The following NLRP5 variants were observed in gnomAD, a reference collection of about 807,000 sequenced individuals.
The protein encoded by NLRP5 is NACHT, LRR and PYD domains-containing protein 5.
Under a neutral mutation model 113.1 loss-of-function variants are expected in NLRP5, and 93 were observed. That is an observed-to-expected ratio of 0.82 (90% CI 0.70 to 0.98). The LOEUF (loss-of-function observed/expected upper bound fraction) is 0.98, where lower values mean the gene tolerates loss of function less well. NLRP5 is among the 50% of genes least tolerant of loss of function. The pLI, the probability that NLRP5 is intolerant of heterozygous loss-of-function variation, is 0.00. For synonymous variants in NLRP5, 751 were observed against 600.7 expected (o/e 1.25, Z -3.66); for missense variants, 1,808 against 1,514.3 (o/e 1.19, Z -3.22).
chr19:55,999,641 C>A, upstream of NLRP5: 2 of 1,028,074 alleles, frequency 1.9e-6, no homozygotes, highest in East Asian at 2.4e-5. Context: ...CACAGTAACC[C>A]TTGAAGAGGC....
intron 12 of NLRP5, among the ~76,000 whole-genome samples, chr19:56,053,189 A>G (rs143791237): frequency 6.2e-4 from 94 of 152,230 alleles, no homozygotes; most frequent in African/African-American, 2.1e-3. Flanking sequence ...TGAGGTCAGG[A>G]GTTTGAGACC....
intron 3 of NLRP5, among the ~76,000 whole-genome samples, chr19:56,012,872 T>G (rs1982251470): frequency 6.6e-6 from 1 of 152,162 alleles, no homozygotes; most frequent in South Asian, 2.1e-4. Context: ...AGTGAACTGG[T>G]CTGTAATCTC....
intron 14 of NLRP5, among the ~76,000 whole-genome samples, chr19:56,058,948 G>A (rs924630195): frequency 3.3e-5 from 5 of 152,172 alleles, no homozygotes; most frequent in Non-Finnish European, 7.3e-5. Context: ...AGTGGAATAA[G>A]CCAGTCCTAA....
chr19:56,028,588 A>G, intron 7 of NLRP5, 79 bp downstream of exon 7: 1 of 1,303,900 alleles, frequency 7.7e-7, no homozygotes, highest in South Asian at 1.4e-5. Flanking sequence ...CATGACTTCC[A>G]GGAACTTCAA....
At chr19:56,034,817 CGTTGGTTG>C (rs60945822) in intron 9 of NLRP5, among the ~76,000 whole-genome samples, 2 of 151,954 alleles carry the variant, frequency 1.3e-5, no homozygotes, top group Non-Finnish European at 2.9e-5. Flanking sequence ...TCCAGGGACA[CGTTGGTTG>C]GTTGGTTGGT....
In NLRP5 at chr19:56,038,191, C is replaced by G. The variant is rs2123319875; in HGVS notation, c.2782C>G (p.Leu928Val). Residue 928 changes from leucine to valine, a missense_variant, in exon 10 of 15, where the codon CTG (leucine) becomes GTG (valine). Leu to Val is a conservative substitution (Grantham distance 32). Transcript: ENST00000390649. ...AGTCTCCCAGTGCGCCCTGCAGAAGCTGATGTGAGTGCCACTTCCTTTCCA... is the reference window on the plus strand; with the variant it reads ...AGTCTCCCAGTGCGCCCTGCAGAAGGTGATGTGAGTGCCACTTCCTTTCCA... The G allele has an allele frequency of 5.6e-6, 9 of 1,613,406 alleles. No homozygotes were observed. The East Asian group carries it at 2.0e-4, about 36-fold the overall frequency.
rs757209989 is a variant in NLRP5, at chr19:56,033,592, T to C, written c.2498T>C (p.Val833Ala). The change falls in exon 9 of 15, where the codon GTC (valine) becomes GCC (alanine). Residue 833 changes from valine to alanine, a missense_variant. Physicochemically the swap from Val to Ala is moderately conservative, Grantham distance 64. Coordinates refer to ENST00000390649, the MANE Select transcript of NLRP5 (RefSeq NM_153447.4). ...GGTGTGCAGCACCTCTGGAGAATCG[T>C]CATGGCCAACCGTAACCTAAGATCC... The C allele has an allele frequency of 4.3e-6, 7 of 1,613,850 alleles. No homozygotes were observed. In the South Asian group the frequency reaches 7.7e-5, roughly 18 times the overall value.
chr19:56,045,183 A>G (rs1437206354), intron 11 of NLRP5, among the ~76,000 whole-genome samples: 1 of 152,170 alleles, frequency 6.6e-6, no homozygotes, highest in Non-Finnish European at 1.5e-5. Flanking sequence ...CCTGACTTGG[A>G]TGCCCTTTTT....
chr19:56,035,361 C>G (rs1983271894), intron 9 of NLRP5, among the ~76,000 whole-genome samples: 1 of 152,110 alleles, frequency 6.6e-6, no homozygotes, highest in Non-Finnish European at 1.5e-5. Flanking sequence ...AAGATGTAAC[C>G]CAGGGAAATT....
In NLRP5 at chr19:56,027,315, T is replaced by C; in HGVS notation, c.1082T>C (p.Ile361Thr). 3 of 1,612,502 alleles carry C rather than the reference T, an allele frequency of 1.9e-6. No individual in the cohort carries two copies. The highest frequency in any genetic ancestry group is 1.1e-5 in the South Asian group (1 of 91,042). The change falls in exon 7 of 15, where the codon ATT becomes ACT. Residue 361 changes from isoleucine (I) to threonine (T), a missense_variant. Physicochemically the swap from Ile to Thr is moderately conservative, Grantham distance 89 (BLOSUM62 -1). Transcript: ENST00000390649. ...CGACCAGAAAGGCTGTTGTTCATCA[T>C]TGACGGTTTCGATGACCTGGGCTCT...
chr19:56,022,712 TA>T (rs1176671340), intron 6 of NLRP5, among the ~76,000 whole-genome samples: 1 of 152,186 alleles, frequency 6.6e-6, no homozygotes, highest in African/African-American at 2.4e-5. Context: ...TTGTTAGAAG[TA>T]AAAGATGAGG....
intron 6 of NLRP5, among the ~76,000 whole-genome samples, chr19:56,025,220 C>T (rs1400354460): frequency 1.3e-5 from 2 of 152,212 alleles, no homozygotes; most frequent in Admixed American, 6.5e-5. Context: ...GCACAATAAA[C>T]ATAATGTGCT....
intron 3 of NLRP5, among the ~76,000 whole-genome samples, chr19:56,009,508 T>A (rs958438677): frequency 2.6e-5 from 4 of 151,930 alleles, no homozygotes; most frequent in African/African-American, 9.7e-5. Flanking sequence ...GAAACCAGAT[T>A]CAATACAATT....
intron 14 of NLRP5, among the ~76,000 whole-genome samples, chr19:56,060,314 C>T (rs554778795): frequency 3.9e-5 from 6 of 152,226 alleles, no homozygotes; most frequent in Non-Finnish European, 8.8e-5. Context: ...CTCTAGTAGA[C>T]TATAAGCTTG....
At chr19:56,046,717 T>G (rs889237408) in intron 11 of NLRP5, among the ~76,000 whole-genome samples, 2 of 152,058 alleles carry the variant, frequency 1.3e-5, no homozygotes, top group African/African-American at 2.4e-5. Flanking sequence ...ATTTTTTTTT[T>G]GTATTTTTAG....
rs1981741675 is a variant in NLRP5 at position 56,003,711 on chromosome 19, T to C, written c.63-5T>C. The C allele has an allele frequency of 6.3e-7, 1 of 1,584,900 alleles. No individual in the cohort carries two copies. The highest frequency in any genetic ancestry group is 1.8e-5 in the Admixed American group (1 of 54,348). On this transcript the variant is annotated splice_region_variant and splice_polypyrimidine_tract_variant and intron_variant, in intron 1 of 14. Transcript: ENST00000390649. ...TGAGAATTTGCTGCAAGATCCTCTT[T>C]TAAGTCTTGTCACTCTTTCCACAGG...
chr19:56,056,316 G>A (rs1444279613), intron 13 of NLRP5, among the ~76,000 whole-genome samples: 1 of 151,924 alleles, frequency 6.6e-6, no homozygotes, highest in African/African-American at 2.4e-5. Flanking sequence ...CCAGCACTAT[G>A]GGAGGCTGAG....
At chr19:56,018,790 T>G (rs969098564) in intron 4 of NLRP5, 1 of 154,364 alleles carries the variant, frequency 6.5e-6, no homozygotes, top group African/African-American at 2.4e-5. Flanking sequence ...CCTTAATTCT[T>G]AACTGTAGGT....
chr19:56,042,213 C>A (rs981230098), intron 11 of NLRP5, among the ~76,000 whole-genome samples: 6 of 152,176 alleles, frequency 3.9e-5, no homozygotes, highest in Non-Finnish European at 8.8e-5. Flanking sequence ...ATACAGAATC[C>A]ATAAATAATG....
Sources: allele counts gnomAD v4.1 joint callset (sites outside exome capture counted in the v4.1 genomes callset), GRCh38; gene constraint gnomAD v4.1.1; transcripts MANE v1.5; gene names NCBI Gene and HGNC (gene_info 2026-07-23, HGNC 2026-07-21).